TPP2: variants seen among roughly 807,000 people sequenced by gnomAD.
The protein encoded by TPP2 is tripeptidyl-peptidase 2.
A neutral mutation model predicts 155.9 loss-of-function variants in TPP2; 34 were observed. The observed-to-expected ratio is 0.22, with a 90% confidence interval of 0.17 to 0.29. The LOEUF (loss-of-function observed/expected upper bound fraction) is 0.29. Ranked by LOEUF, TPP2 falls within the 10% of genes least tolerant of loss-of-function variation. TPP2 has a pLI of 1.00. For missense variants in TPP2, 1,028 were observed against 1,522.3 expected (o/e 0.68, Z 5.40); for synonymous variants, 510 against 529.4 (o/e 0.96, Z 0.50).
chr13:102,660,576 G>A (rs563379680), intron 25 of TPP2, among the ~76,000 whole-genome samples: 4 of 152,246 alleles, frequency 2.6e-5, no homozygotes, highest in East Asian at 1.9e-4. Flanking sequence ...CATATTGATC[G>A]AATGATTCAG....
chr13:102,663,615 A>C, intron 25 of TPP2, 33 bp from the exon 26 acceptor site: 2 of 1,481,680 alleles, frequency 1.3e-6, no homozygotes, highest in Non-Finnish European at 9.1e-7. Flanking sequence ...TAAAAGAAAA[A>C]AGTAAATATT....
At chr13:102,677,346 TCTTAA>T (rs1177328052) in intron 29 of TPP2, among the ~76,000 whole-genome samples, 1 of 133,466 alleles carries the variant, frequency 7.5e-6, no homozygotes, top group African/African-American at 3.2e-5. Flanking sequence ...AGGGAGTGTT[TCTTAA>T]CTTGTCTGCC....
chr13:102,660,336 A>T (rs1338660359), intron 25 of TPP2, among the ~76,000 whole-genome samples: 1 of 152,178 alleles, frequency 6.6e-6, no homozygotes, highest in Non-Finnish European at 1.5e-5. Context: ...AAAATCGAAG[A>T]CCTAAGTCCA....
intron 27 of TPP2, among the ~76,000 whole-genome samples, chr13:102,670,222 A>G (rs904766269): frequency 1.3e-5 from 2 of 152,120 alleles, no homozygotes; most frequent in Non-Finnish European, 2.9e-5. Context: ...CAGGAGTACT[A>G]GATAATAACT....
Position 102,627,850 on chromosome 13 carries a change from G to T in TPP2, c.942G>T (p.Met314Ile), listed in dbSNP as rs924410982. Reference protein sequence around the residue: ...METGTGLIRAMIEVINHKCDL... With the variant: ...METGTGLIRAIIEVINHKCDL... ...TAGAGTCTTAATCTCTTTAATAGATGATAGAAGTTATAAATCATAAGTGTG... is the reference window on the plus strand; with the variant it reads ...TAGAGTCTTAATCTCTTTAATAGATTATAGAAGTTATAAATCATAAGTGTG... The change falls in exon 8 of 30, where the codon ATG becomes ATT. Residue 314 changes from methionine to isoleucine, a missense_variant and splice_region_variant. Transcript: ENST00000376052. The T allele has an allele frequency of 6.2e-7, 1 of 1,611,798 alleles. No homozygotes were observed. Among genetic ancestry groups the T allele is most frequent in the South Asian group, 1.1e-5 (1 of 90,930 alleles).
intron 11 of TPP2, among the ~76,000 whole-genome samples, chr13:102,635,011 CAAGAATGATACAGCACTCATCTTA>C (rs1255997544): frequency 2.0e-5 from 3 of 152,264 alleles, no homozygotes; most frequent in East Asian, 3.9e-4. Flanking sequence ...CTGGAGAGGA[CAAGAATGATACAGCACTCATCTTA>C]TGAATTGGTG....
intron 1 of TPP2, among the ~76,000 whole-genome samples, chr13:102,601,276 A>G (rs1879410286): frequency 1.3e-5 from 2 of 152,216 alleles, no homozygotes; most frequent in Admixed American, 1.3e-4. Flanking sequence ...TATTTGCTTA[A>G]AAGAATATTT....
intron 15 of TPP2, 89 bp from the exon 16 acceptor site, chr13:102,640,181 A>G: frequency 1.0e-6 from 1 of 977,610 alleles, no homozygotes. Context: ...TTTCCAATGA[A>G]TTGTTATTTT....
intron 20 of TPP2, 75 bp from the exon 21 acceptor site, chr13:102,647,132 C>A: frequency 6.9e-7 from 1 of 1,447,082 alleles, no homozygotes; most frequent in South Asian, 1.5e-5. Context: ...AGTCTCATGT[C>A]AATAACAATA....
intron 14 of TPP2, 32 bp from the exon 15 acceptor site, chr13:102,638,207 G>C (rs770950147): frequency 6.3e-6 from 10 of 1,587,578 alleles, no homozygotes; most frequent in Non-Finnish European, 8.6e-6. Flanking sequence ...ATTTGTTTAT[G>C]GATATTGACA....
chr13:102,649,560 C>T, intron 23 of TPP2, 74 bp downstream of exon 23: 1 of 1,323,762 alleles, frequency 7.6e-7, no homozygotes, highest in Non-Finnish European at 1.0e-6. Context: ...GAATTAATTC[C>T]ACATTTCAGA....
chr13:102,628,717 G>T (rs773530125), intron 8 of TPP2, among the ~76,000 whole-genome samples: 1 of 152,100 alleles, frequency 6.6e-6, no homozygotes, highest in Non-Finnish European at 1.5e-5. Context: ...GCTATCATCT[G>T]GTTTTTGAGA....
intron 2 of TPP2, among the ~76,000 whole-genome samples, chr13:102,606,482 C>T (rs887696775): frequency 9.2e-5 from 14 of 152,164 alleles, no homozygotes; most frequent in African/African-American, 2.9e-4. Flanking sequence ...TCCAAGTTTA[C>T]ATGATTGTTG....
chr13:102,622,145 A>G (rs1881213832), intron 5 of TPP2, among the ~76,000 whole-genome samples: 1 of 152,198 alleles, frequency 6.6e-6, no homozygotes, highest in African/African-American at 2.4e-5. Flanking sequence ...GTAGGCTTCT[A>G]TTAATTTACT....
intron 5 of TPP2, among the ~76,000 whole-genome samples, chr13:102,620,729 A>G (rs1041442641): frequency 4.6e-5 from 7 of 152,230 alleles, no homozygotes; most frequent in Admixed American, 1.3e-4. Context: ...TGTTCTGAGC[A>G]TCTGTCAGGA....
chr13:102,598,840 T>C (rs9557887), intron 1 of TPP2, among the ~76,000 whole-genome samples: 73,084 of 151,846 alleles, frequency 0.48, 17,727 homozygotes, highest in African/African-American at 0.54. Context: ...CACAGCCTTG[T>C]TGTGAAAATT....
chr13:102,659,865 G>A, intron 25 of TPP2, among the ~76,000 whole-genome samples: 2 of 152,248 alleles, frequency 1.3e-5, no homozygotes, highest in Admixed American at 1.3e-4. Context: ...AAGCAGTTCT[G>A]TAAATATTGT....
rs1048583455 is a variant in TPP2, at chr13:102,629,627, G to A, written c.1144+18G>A. On this transcript the variant is annotated intron_variant, in intron 9 of 29. Coordinates refer to ENST00000376052, the MANE Select transcript of TPP2 (RefSeq NM_001330588.2). The stretch of plus-strand genomic sequence containing the variant: ...TGTGATAGGTTAGTTTCCTGTTTTA[G>A]AAATAGATTTGTTTAGAAACAAGCA... 1.3e-6 allele frequency: 2 copies of A among 1,548,368 alleles called. No homozygotes were observed. Among genetic ancestry groups the A allele is most frequent in the Admixed American group, 4.8e-5 (2 of 41,382 alleles).
intron 5 of TPP2, among the ~76,000 whole-genome samples, chr13:102,622,025 G>A (rs1261548706): frequency 6.6e-6 from 1 of 152,084 alleles, no homozygotes; most frequent in African/African-American, 2.4e-5. Context: ...AGTCATATTA[G>A]GGCAATGCAT....
Sources: gnomAD v4.1 joint callset for allele counts (sites outside exome capture counted in the v4.1 genomes callset) on GRCh38, gnomAD v4.1.1 for gene constraint, MANE v1.5 for transcripts, NCBI Gene and HGNC (gene_info 2026-07-23, HGNC 2026-07-21) for gene names.